Variants in STRBP observed in about 807,000 individuals in gnomAD.
STRBP encodes spermatid perinuclear RNA binding protein.
A neutral mutation model predicts 80.1 loss-of-function variants in STRBP; 13 were observed. The observed-to-expected ratio is 0.16, with a 90% CI of 0.11 to 0.26. The LOEUF is 0.26. STRBP is among the 10% of genes least tolerant of loss of function. The pLI is 1.00. For missense variants in STRBP, 485 were observed against 815.2 expected (o/e 0.59, Z 4.93); for synonymous variants, 284 against 291.2 (o/e 0.98, Z 0.25).
intron 12 of STRBP, 108 bp from the exon 13 acceptor site, chr9:123,147,162 A>T: frequency 2.5e-6 from 2 of 790,612 alleles, no homozygotes; most frequent in Non-Finnish European, 2.0e-6. Flanking sequence ...ATTTTTTTAA[A>T]TGAGGATTTC....
chr9:123,243,616 A>T (rs2040742384), intron 1 of STRBP, among the ~76,000 whole-genome samples: 1 of 151,084 alleles, frequency 6.6e-6, no homozygotes, highest in Non-Finnish European at 1.5e-5. Flanking sequence ...AAAACTCAAC[A>T]GTTAAAACAA....
intron 1 of STRBP, among the ~76,000 whole-genome samples, chr9:123,255,836 G>T (rs1015992111): frequency 6.6e-6 from 1 of 151,842 alleles, no homozygotes; most frequent in Non-Finnish European, 1.5e-5. Context: ...ACCTGCAAAC[G>T]TTATACCAAA....
intron 1 of STRBP, among the ~76,000 whole-genome samples, chr9:123,250,877 G>A (rs2040899336): frequency 6.6e-6 from 1 of 152,142 alleles, no homozygotes; most frequent in East Asian, 1.9e-4. Flanking sequence ...CAACACTTAG[G>A]GAGGCTGAAG....
chr9:123,144,197 C>CAAAA (rs957671357), intron 13 of STRBP, among the ~76,000 whole-genome samples: 7 of 68,896 alleles, frequency 1.0e-4, no homozygotes, highest in Admixed American at 1.8e-4. Context: ...GACTCCGTCT[C>CAAAA]AAAAAAAAAA....
intron 17 of STRBP, among the ~76,000 whole-genome samples, chr9:123,128,709 A>G (rs1228348537): frequency 6.6e-6 from 1 of 152,242 alleles, no homozygotes; most frequent in African/African-American, 2.4e-5. Flanking sequence ...CCAATCTCTC[A>G]AAGTTAGCAA....
downstream of STRBP, chr9:123,121,448 T>C (rs1406484964): frequency 6.6e-6 from 1 of 152,142 alleles, no homozygotes; most frequent in Middle Eastern, 3.2e-3. Flanking sequence ...GGGAAATAAA[T>C]AATCTAGCTA....
At chr9:123,138,668 C>A (rs1190979019) in intron 14 of STRBP, among the ~76,000 whole-genome samples, 1 of 152,192 alleles carries the variant, frequency 6.6e-6, no homozygotes, top group Non-Finnish European at 1.5e-5. Context: ...ATTTTGCCAT[C>A]ACAGAGCTTA....
intron 2 of STRBP, among the ~76,000 whole-genome samples, chr9:123,235,906 G>A (rs1379876374): frequency 2.6e-5 from 4 of 152,120 alleles, no homozygotes; most frequent in African/African-American, 9.7e-5. Context: ...ATTAAAATAG[G>A]AATGTGTAAA....
At chr9:123,173,589 A>C in intron 5 of STRBP, 88 bp downstream of exon 5, 1 of 1,400,414 alleles carries the variant, frequency 7.1e-7, no homozygotes, top group Non-Finnish European at 9.6e-7. Context: ...ATTAGCTATT[A>C]GCAATTCTGG....
chr9:123,169,873 C>CATAT (rs59261791), intron 6 of STRBP, 29 bp downstream of exon 6: 43,368 of 975,496 alleles, frequency 0.044, 194 homozygotes, highest in Non-Finnish European at 0.047. Flanking sequence ...CAAATATATA[C>CATAT]ATATATATAT....
chr9:123,125,540 C>CT lies in STRBP; in HGVS notation c.*56dup. The CT allele has an allele frequency of 6.8e-7, 1 of 1,460,900 alleles. No individual in the cohort carries two copies. The highest frequency in any genetic ancestry group is 9.1e-7 in the Non-Finnish European group (1 of 1,101,394). The allele number at this position is 1,460,900 out of a possible 1,614,324, so 90.5% of individuals were successfully genotyped here. A position where few individuals can be genotyped will look rare whatever the true frequency, so the allele number is the denominator to read the frequency against. The stretch of plus-strand genomic sequence containing the variant: ...AAAGCAGGATAAAAAGGCTTTTTCT[C>CT]TAACATTCTGTGTTGTACTGTATTG... On this transcript the variant is annotated 3_prime_UTR_variant, in exon 19 of 19. Transcript: ENST00000348403.
chr9:123,166,006 T>C (rs967478760), intron 6 of STRBP, among the ~76,000 whole-genome samples: 7 of 152,208 alleles, frequency 4.6e-5, no homozygotes, highest in Admixed American at 3.9e-4. Flanking sequence ...TCAGACAATA[T>C]GCTGACTATG....
chr9:123,112,069 C>A, intron 3 of STRBP: 1 of 170,478 alleles, frequency 5.9e-6, no homozygotes. Flanking sequence ...CAGCACACCT[C>A]CCTCCCGCCT....
At chr9:123,214,995 C>A (rs1391882627) in intron 2 of STRBP, among the ~76,000 whole-genome samples, 1 of 151,976 alleles carries the variant, frequency 6.6e-6, no homozygotes, top group East Asian at 1.9e-4. Context: ...GTCCACTGTT[C>A]CTGGGTTATG....
intron 2 of STRBP, among the ~76,000 whole-genome samples, chr9:123,225,117 A>T (rs2040194387): frequency 6.6e-6 from 1 of 152,186 alleles, no homozygotes; most frequent in Non-Finnish European, 1.5e-5. Context: ...AACAGGCAAA[A>T]CTAGTCAAAA....
At chr9:123,137,353 A>G (rs2036399154) in intron 14 of STRBP, among the ~76,000 whole-genome samples, 1 of 152,242 alleles carries the variant, frequency 6.6e-6, no homozygotes, top group African/African-American at 2.4e-5. Context: ...CCACCACACA[A>G]GAAATGCTGA....
chr9:123,145,140 A>T (rs1032419972), intron 13 of STRBP, among the ~76,000 whole-genome samples: 1 of 152,204 alleles, frequency 6.6e-6, no homozygotes, highest in Non-Finnish European at 1.5e-5. Flanking sequence ...AGTCACAAGA[A>T]ACCATTAACA....
Position 123,123,623 on chromosome 9 carries a change from G to C in STRBP, c.*1974C>G. 1 of 984,980 alleles carries C rather than the reference G, an allele frequency of 1.0e-6. No homozygotes were observed. The highest frequency in any genetic ancestry group is 1.2e-6 in the Non-Finnish European group (1 of 829,894). The allele number at this position is 984,980 out of a possible 1,614,324, so 61.0% of individuals were successfully genotyped here. A position where few individuals can be genotyped will look rare whatever the true frequency, so the allele number is the denominator to read the frequency against. ...ACAGCTCCCTTTTCACCATTACAGA[G>C]CGCGTGAGTTATGAAGCAGAGTCAG... On this transcript the variant is annotated 3_prime_UTR_variant, in exon 19 of 19. Coordinates refer to ENST00000348403, the MANE Select transcript of STRBP (RefSeq NM_018387.5).
In STRBP at chr9:123,224,197, GCTAAC is replaced by G. The variant is rs1170554401; in HGVS notation, c.-165+12628_-165+12632del. Among the ~76,000 whole-genome samples the G allele has an allele frequency of 7.9e-5, 12 of 152,302 alleles. No individual in the cohort carries two copies. The East Asian group carries it at 2.3e-3, about 29-fold the overall frequency. ...AAGAAACTAAAAACTAAGAGATTAA[GCTAAC>G]CAAATTCACACCCACTCATGCCTTG... is the stretch of plus-strand genomic sequence containing the variant. On this transcript the variant is annotated intron_variant, in intron 2 of 18. Transcript: ENST00000348403.
Sources: gnomAD v4.1 joint callset for allele counts (sites outside exome capture counted in the v4.1 genomes callset) on GRCh38, gnomAD v4.1.1 for gene constraint, MANE v1.5 for transcripts, NCBI Gene and HGNC (gene_info 2026-07-23, HGNC 2026-07-21) for gene names.